Variants in DPP6 observed in about 807,000 individuals in gnomAD.
DPP6 encodes dipeptidyl peptidase like 6.
Under a neutral mutation model 122.6 loss-of-function variants are expected in DPP6, and 69 were observed. The ratio of observed to expected loss-of-function variants is 0.56; its 90% confidence interval spans 0.46 to 0.69. The LOEUF is 0.69. Among genes scored for constraint, DPP6 ranks in the 30% least tolerant of loss-of-function variants. The pLI, the probability that DPP6 is intolerant of heterozygous loss-of-function variation, is 0.00. For missense variants in DPP6, 928 were observed against 1,116.9 expected (o/e 0.83, Z 2.41); for synonymous variants, 418 against 433.1 (o/e 0.97, Z 0.43).
At chr7:154,011,882 A>G (rs555016811) in intron 1 of DPP6, among the ~76,000 whole-genome samples, 107 of 152,146 alleles carry the variant, frequency 7.0e-4, no homozygotes, top group South Asian at 1.4e-3. Context: ...TCCTACTATC[A>G]CAGAACTAGT....
chr7:154,426,372 A>G (rs1280872463), intron 1 of DPP6, among the ~76,000 whole-genome samples: 1 of 152,244 alleles, frequency 6.6e-6, no homozygotes, highest in Non-Finnish European at 1.5e-5. Flanking sequence ...ATCTTTTGGT[A>G]ACTTATTTGG....
intron 7 of DPP6, among the ~76,000 whole-genome samples, chr7:154,688,227 T>C (rs1394677668): frequency 6.6e-6 from 1 of 152,190 alleles, no homozygotes; most frequent in African/African-American, 2.4e-5. Context: ...AAAAACACTA[T>C]TGGGAGATTA....
At chr7:154,625,545 C>T (rs1020907378) in intron 5 of DPP6, among the ~76,000 whole-genome samples, 2 of 152,208 alleles carry the variant, frequency 1.3e-5, no homozygotes, top group African/African-American at 4.8e-5. Flanking sequence ...ATGATGTCCT[C>T]CATTCCCTTA....
the DPP6 span, among the ~76,000 whole-genome samples, chr7:153,823,545 T>G: frequency 2.7e-5 from 4 of 149,732 alleles, no homozygotes; most frequent in African/African-American, 9.9e-5. Flanking sequence ...GACAACACAA[T>G]TCCCCAGTCC....
At chr7:154,490,597 A>G (rs1337958537) in intron 3 of DPP6, among the ~76,000 whole-genome samples, 1 of 152,266 alleles carries the variant, frequency 6.6e-6, no homozygotes, top group Non-Finnish European at 1.5e-5. Flanking sequence ...TCTGGGCACC[A>G]AATACTTGAA....
the DPP6 span, among the ~76,000 whole-genome samples, chr7:153,764,396 C>T: frequency 6.6e-6 from 1 of 152,048 alleles, no homozygotes; most frequent in Non-Finnish European, 1.5e-5. Flanking sequence ...TGCTCCTCCT[C>T]TGCACTCGCC....
rs188425519 is a variant in DPP6, at chr7:154,869,028, G to A, written c.1813+935G>A. On this transcript the variant is annotated intron_variant, in intron 18 of 25. Coordinates refer to ENST00000377770, the MANE Select transcript of DPP6 (RefSeq NM_130797.4). ...CGGGTTTCCCTCCTGTGCAAACTCC[G>A]ACTGACTGATAGTAACTGCAGGAGC... Among the ~76,000 whole-genome samples the A allele has an allele frequency of 2.2e-4, 33 of 152,304 alleles. No homozygotes were observed. The East Asian group carries it at 5.0e-3, about 23-fold the overall frequency.
rs572879507 is a variant in DPP6, at chr7:154,130,921, A to T, written c.243+77858A>T. ...TCAGCCAGACATGTCCAGGTCCTTCAGAAACACATTGCTCATAGAGAAATA... is the reference window on the plus strand; with the variant it reads ...TCAGCCAGACATGTCCAGGTCCTTCTGAAACACATTGCTCATAGAGAAATA... On this transcript the variant is annotated intron_variant, in intron 1 of 25. Coordinates refer to ENST00000377770, the MANE Select transcript of DPP6 (RefSeq NM_130797.4). Among the ~76,000 whole-genome samples the T allele has an allele frequency of 1.6e-3, 247 of 151,500 alleles. 2 individuals carry two copies. The highest frequency in any genetic ancestry group is 5.7e-3 in the African/African-American group (234 of 40,774).
At position 154,794,199 on chromosome 7, in the gene DPP6, G is replaced by A. The variant is rs759903047; in HGVS notation, c.1257G>A (p.Thr419=). 3 of 1,607,548 alleles carry A rather than the reference G, an allele frequency of 1.9e-6. No individual in the cohort carries two copies. The highest frequency in any genetic ancestry group is 1.6e-4 in the Middle Eastern group (1 of 6,068). The part of the protein sequence containing the change: ...TLCDATTGVC[T]KKHEDESEAW... Reference sequence around the variant, plus strand: ...GCGACGCCACCACGGGGGTCTGCACGAAGGTACGCGGGGCTGTGGGGGTGG... The same window carrying A: ...GCGACGCCACCACGGGGGTCTGCACAAAGGTACGCGGGGCTGTGGGGGTGG... The change falls in exon 11 of 26, where the codon ACG becomes ACA. Residue 419 remains threonine, a synonymous_variant. Transcript: ENST00000377770.
intron 8 of DPP6, among the ~76,000 whole-genome samples, chr7:154,759,176 G>A (rs571855661): frequency 2.0e-5 from 3 of 152,336 alleles, no homozygotes; most frequent in East Asian, 3.9e-4. Flanking sequence ...CCGCAGGGAT[G>A]CTCCCATTCC....
chr7:154,837,710 C>T (rs184030036), intron 16 of DPP6, among the ~76,000 whole-genome samples: 21 of 152,318 alleles, frequency 1.4e-4, no homozygotes, highest in Admixed American at 4.6e-4. Flanking sequence ...CTTTGTGTTC[C>T]GCTTTCAACT....
intron 1 of DPP6, among the ~76,000 whole-genome samples, chr7:154,348,531 G>A (rs1241882257): frequency 6.6e-6 from 1 of 152,102 alleles, no homozygotes; most frequent in Non-Finnish European, 1.5e-5. Context: ...TAGCATCATA[G>A]AAACAAACCC....
chr7:154,269,483 G>T (rs1803653281), intron 1 of DPP6, among the ~76,000 whole-genome samples: 1 of 152,134 alleles, frequency 6.6e-6, no homozygotes, highest in African/African-American at 2.4e-5. Flanking sequence ...GCTTTGTAGA[G>T]CTGTATTGTA....
intron 1 of DPP6, among the ~76,000 whole-genome samples, chr7:154,004,483 G>A (rs993264193): frequency 2.0e-5 from 3 of 151,652 alleles, no homozygotes; most frequent in Non-Finnish European, 4.4e-5. Flanking sequence ...AAAGTCTTTG[G>A]AAACTCTCGA....
chr7:153,868,695 T>C, the DPP6 span, among the ~76,000 whole-genome samples: 1 of 152,198 alleles, frequency 6.6e-6, no homozygotes, highest in Non-Finnish European at 1.5e-5. Context: ...TTCTGCTAGC[T>C]TTTGAATGTG....
chr7:153,960,913 G>A (rs1795321701), intron 1 of DPP6, among the ~76,000 whole-genome samples: 1 of 152,086 alleles, frequency 6.6e-6, no homozygotes, highest in South Asian at 2.1e-4. Flanking sequence ...TCCAAAGGGA[G>A]GACTGTTCTC....
intron 8 of DPP6, among the ~76,000 whole-genome samples, chr7:154,749,371 GCA>G (rs1843223088): frequency 7.2e-6 from 1 of 138,454 alleles, no homozygotes; most frequent in Admixed American, 7.1e-5. Context: ...GAGGGTGAGA[GCA>G]TAGGACGAGA....
intron 1 of DPP6, among the ~76,000 whole-genome samples, chr7:154,427,959 G>T (rs1302396747): frequency 1.3e-5 from 2 of 152,222 alleles, no homozygotes; most frequent in African/African-American, 4.8e-5. Context: ...TGGAAGCACT[G>T]AATCAGTTGC....
At chr7:154,599,116 A>G (rs1417460241) in intron 5 of DPP6, among the ~76,000 whole-genome samples, 1 of 152,214 alleles carries the variant, frequency 6.6e-6, no homozygotes, top group Non-Finnish European at 1.5e-5. Context: ...TTCTGCCAGC[A>G]TCTTTATAGA....
Sources: gnomAD v4.1 joint callset for allele counts (sites outside exome capture counted in the v4.1 genomes callset) on GRCh38, gnomAD v4.1.1 for gene constraint, MANE v1.5 for transcripts, NCBI Gene and HGNC (gene_info 2026-07-23, HGNC 2026-07-21) for gene names.